The following SBK1 variants were observed in gnomAD, a reference collection of about 807,000 sequenced individuals.
SBK1 encodes SH3 domain binding kinase 1, also known as serine/threonine-protein kinase SBK1.
A neutral mutation model predicts 24.4 loss-of-function variants in SBK1; 11 were observed. That is an observed-to-expected ratio of 0.45 (90% CI 0.28 to 0.75). SBK1 has a LOEUF of 0.75. Among genes scored for constraint, SBK1 ranks in the 30% least tolerant of loss-of-function variants. SBK1 has a pLI of 0.12. For synonymous variants in SBK1, 308 were observed against 284.4 expected, an observed-to-expected ratio of 1.08 and a Z score of -0.83; for missense variants, 467 against 620.5, an observed-to-expected ratio of 0.75 and a Z score of 2.63.
At chr16:28,292,466 C>T (rs894773125), upstream of SBK1, 20 of 900,822 alleles carry the variant, frequency 2.2e-5, no homozygotes, top group African/African-American at 2.9e-4. Context: ...GCGCGCGAGC[C>T]GGAGGGCGGA....
rs1253295262 is a variant in SBK1, at chr16:28,292,930, C to T, written c.-378C>T. 3.1e-6 allele frequency: 3 copies of T among 973,714 alleles called. No homozygotes were observed. The highest frequency in any genetic ancestry group is 5.3e-4 in the Middle Eastern group (1 of 1,898). 60.3% of individuals were successfully genotyped at this position (973,714 alleles called of 1,614,324 possible). A position where few individuals can be genotyped will look rare whatever the true frequency, so the allele number is the denominator to read the frequency against. Reference sequence around the variant, plus strand: ...CTCAGTCTGGGCCCCCGCCCCAAGACCTAGAACGCAGTGCCCCCAGGCCGG... The same window carrying T: ...CTCAGTCTGGGCCCCCGCCCCAAGATCTAGAACGCAGTGCCCCCAGGCCGG... On this transcript the variant is annotated 5_prime_UTR_variant, in exon 1 of 4. Transcript: ENST00000341901.
intron 1 of SBK1, among the ~76,000 whole-genome samples, chr16:28,299,215 G>A (rs1226784075): frequency 6.6e-6 from 1 of 152,170 alleles, no homozygotes; most frequent in East Asian, 1.9e-4. Flanking sequence ...GATGATATTA[G>A]TACTTGCCTC....
intron 1 of SBK1, among the ~76,000 whole-genome samples, chr16:28,306,951 T>G (rs1280523767): frequency 1.3e-5 from 2 of 152,148 alleles, no homozygotes; most frequent in Non-Finnish European, 2.9e-5. Context: ...GGAACAGTGA[T>G]TTGCCGAAAG....
In SBK1 at chr16:28,271,902, A is replaced by C. The variant is rs549589087; in HGVS notation, c.257+12400A>C. Reference sequence around the variant, plus strand: ...ACTCTGCCAAGAGAATGTGAAGAGAAGCCACAGAATGGCAGAAAATATCAA... The same window carrying C: ...ACTCTGCCAAGAGAATGTGAAGAGACGCCACAGAATGGCAGAAAATATCAA... On this transcript the variant is annotated intron_variant, in intron 1 of 3. Transcript: ENST00000671413. Among the ~76,000 whole-genome samples the C allele has an allele frequency of 2.0e-5, 3 of 152,354 alleles. No individual in the cohort carries two copies. The East Asian group carries it at 5.8e-4, about 29-fold the overall frequency.
chr16:28,323,608 C>T lies in SBK1; in HGVS notation c.*2687C>T, dbSNP rs1013619102. ...TGCCAGAATGTTCCCTGAGCCCACA[C>T]TGTGGCCAGTGGGACAGTCCTGGTG... On this transcript the variant is annotated 3_prime_UTR_variant, in exon 4 of 4. Coordinates refer to ENST00000341901, the MANE Select transcript of SBK1 (RefSeq NM_001024401.3). 1 of 152,794 alleles carries T rather than the reference C, an allele frequency of 6.5e-6. No individual in the cohort carries two copies. The highest frequency in any genetic ancestry group is 1.5e-5 in the Non-Finnish European group (1 of 68,094). 9.5% of individuals were successfully genotyped at this position (152,794 alleles called of 1,614,324 possible).
upstream of SBK1, among the ~76,000 whole-genome samples, chr16:28,289,443 C>T (rs1345584608): frequency 6.6e-6 from 1 of 152,140 alleles, no homozygotes; most frequent in Non-Finnish European, 1.5e-5. Context: ...ACAGAGGAAA[C>T]CGAGTAGACA....
rs2044609487 is a variant in SBK1, at chr16:28,292,726, G to A, written c.-582G>A. On this transcript the variant is annotated 5_prime_UTR_variant, in exon 1 of 4. Transcript: ENST00000341901. ...CCGCCGGTGGCCGGGACCCACTAAA[G>A]CCCCCGCAGCCGAGGAGTGCGGGGA... The A allele has an allele frequency of 1.0e-6, 1 of 984,576 alleles. No homozygotes were observed. The highest frequency in any genetic ancestry group is 1.7e-5 in the African/African-American group (1 of 57,150). 61.0% of individuals were successfully genotyped at this position (984,576 alleles called of 1,614,324 possible). A position where few individuals can be genotyped will look rare whatever the true frequency, so the allele number is the denominator to read the frequency against.
intron 1 of SBK1, among the ~76,000 whole-genome samples, chr16:28,314,901 C>T (rs971148469): frequency 1.3e-5 from 2 of 152,130 alleles, no homozygotes; most frequent in Admixed American, 6.6e-5. Flanking sequence ...ATTGTTTGAA[C>T]CCAAGAGGCG....
chr16:28,278,023 C>G (rs2044505526), intron 1 of SBK1, among the ~76,000 whole-genome samples: 1 of 152,268 alleles, frequency 6.6e-6, no homozygotes, highest in Non-Finnish European at 1.5e-5. Context: ...AGCTCTGTGA[C>G]CCTGTTTGGT....
intron 1 of SBK1, among the ~76,000 whole-genome samples, chr16:28,277,801 A>G (rs1826785761): frequency 6.6e-6 from 1 of 152,156 alleles, no homozygotes; most frequent in African/African-American, 2.4e-5. Context: ...ACCAGATAGA[A>G]CAGAGACAGA....
intron 1 of SBK1, among the ~76,000 whole-genome samples, chr16:28,305,786 C>T (rs1414181843): frequency 6.6e-6 from 1 of 152,136 alleles, no homozygotes; most frequent in Non-Finnish European, 1.5e-5. Flanking sequence ...AGTGATCCAC[C>T]CGCCTCAGCC....
intron 1 of SBK1, among the ~76,000 whole-genome samples, chr16:28,293,537 G>C (rs892816948): frequency 6.6e-6 from 1 of 152,160 alleles, no homozygotes; most frequent in Non-Finnish European, 1.5e-5. Context: ...GCCCCACGGA[G>C]GAGTGGTGGT....
chr16:28,308,780 T>TG (rs56194334), intron 1 of SBK1, among the ~76,000 whole-genome samples: 2,372 of 136,012 alleles, frequency 0.017, 33 homozygotes, highest in African/African-American at 0.042. Flanking sequence ...TGTGTGTGTG[T>TG]TTGTTTTGTT....
chr16:28,280,145 ATATATGTG>A (rs1466881281), intron 1 of SBK1, among the ~76,000 whole-genome samples: 2 of 55,292 alleles, frequency 3.6e-5, no homozygotes, highest in African/African-American at 1.0e-4. Flanking sequence ...ATATATATAT[ATATATGTG>A]TGTGTGTGTG....
chr16:28,283,583 G>A (rs1477585523), intron 1 of SBK1, among the ~76,000 whole-genome samples: 1 of 152,158 alleles, frequency 6.6e-6, no homozygotes, highest in Non-Finnish European at 1.5e-5. Context: ...CCATGGGGGT[G>A]TTATACACTG....
intron 1 of SBK1, among the ~76,000 whole-genome samples, chr16:28,306,708 A>T (rs1247159578): frequency 6.6e-6 from 1 of 152,190 alleles, no homozygotes; most frequent in Non-Finnish European, 1.5e-5. Flanking sequence ...CCAGCAAGAA[A>T]CCGAAGAGCT....
At chr16:28,314,813 T>C (rs533034362) in intron 1 of SBK1, among the ~76,000 whole-genome samples, 3 of 152,162 alleles carry the variant, frequency 2.0e-5, no homozygotes, top group African/African-American at 4.8e-5. Flanking sequence ...ACCCCATCTC[T>C]ACTAAACATG....
rs1567681068 is a variant in SBK1, at chr16:28,319,256, G to A, written c.429+59G>A. The A allele has an allele frequency of 2.3e-6, 3 of 1,331,034 alleles. No homozygotes were observed. Among genetic ancestry groups the A allele is most frequent in the East Asian group, 2.3e-5 (1 of 43,400 alleles). The allele number at this position is 1,331,034 out of a possible 1,614,324, so 82.5% of individuals were successfully genotyped here. A position where few individuals can be genotyped will look rare whatever the true frequency, so the allele number is the denominator to read the frequency against. ...GTCTTCAGGGTCCCAGAGTGTGAGA[G>A]TGGGAGTGGAGTCAGACCATTTAAT... On this transcript the variant is annotated intron_variant, in intron 3 of 3. Transcript: ENST00000341901. This position sits in a 1 kb window ranked among gnomAD's most constrained non-coding sequence, Gnocchi z 4.0.
chr16:28,275,705 C>A (rs1029025351), intron 1 of SBK1, among the ~76,000 whole-genome samples: 1 of 152,012 alleles, frequency 6.6e-6, no homozygotes, highest in Non-Finnish European at 1.5e-5. Context: ...CATGACGAAA[C>A]CCTGAGTCTA....
Sources: gnomAD v4.1 joint callset for allele counts (sites outside exome capture counted in the v4.1 genomes callset) on GRCh38, gnomAD v4.1.1 for gene constraint, Gnocchi (gnomAD v3.1) non-coding constraint, MANE v1.5 for transcripts, NCBI Gene and HGNC (gene_info 2026-07-23, HGNC 2026-07-21) for gene names.